TMEM225B: variants seen among roughly 807,000 people sequenced by gnomAD.
TMEM225B encodes transmembrane protein 225B, also known as transmembrane protein 225-like.
Under a neutral mutation model 16.9 loss-of-function variants are expected in TMEM225B, and 10 were observed. The ratio of observed to expected loss-of-function variants is 0.59; its 90% CI spans 0.36 to 1.00. The LOEUF is 1.00. TMEM225B is among the 50% of genes least tolerant of loss of function. TMEM225B has a pLI of 0.01. For missense variants in TMEM225B, 217 were observed against 267.0 expected (o/e 0.81, Z 1.30); for synonymous variants, 92 against 109.8 (o/e 0.84, Z 1.01).
intron 1 of TMEM225B, among the ~76,000 whole-genome samples, chr7:99,598,855 G>A (rs1481748566): frequency 1.3e-5 from 2 of 152,212 alleles, no homozygotes; most frequent in African/African-American, 4.8e-5. Flanking sequence ...CGCTGAAGGG[G>A]GCCTAGGGTC....
chr7:99,598,807 A>C (rs972648860), intron 1 of TMEM225B, among the ~76,000 whole-genome samples: 5 of 152,126 alleles, frequency 3.3e-5, no homozygotes, highest in African/African-American at 1.2e-4. Flanking sequence ...TTTCCTGTTA[A>C]GTGCCAGGGC....
intron 3 of TMEM225B, 65 bp downstream of exon 3, chr7:99,604,661 G>T (rs537143825): frequency 1.5e-6 from 2 of 1,317,434 alleles, no homozygotes; most frequent in South Asian, 1.3e-5. Context: ...ACAGAGGTGG[G>T]GGGTGAAAGA....
At chr7:99,605,470 G>T (rs181051184) in intron 3 of TMEM225B, 1 of 143,492 alleles carries the variant, frequency 7.0e-6, no homozygotes, top group Non-Finnish European at 1.5e-5. Context: ...ACAGGATCTC[G>T]CTTTGTCACC....
intron 5 of TMEM225B, among the ~76,000 whole-genome samples, chr7:99,608,856 T>TAC (rs1237595956): frequency 7.0e-6 from 1 of 142,792 alleles, no homozygotes; most frequent in South Asian, 2.1e-4. Context: ...TATATATATA[T>TAC]ATACACACAC....
intron 5 of TMEM225B, among the ~76,000 whole-genome samples, chr7:99,608,858 T>TATATATATATATATACACGTGC (rs536627768): frequency 6.9e-6 from 1 of 144,388 alleles, no homozygotes; most frequent in African/African-American, 2.8e-5. Context: ...TATATATATA[T>TATATATATATATATACACGTGC]ACACACACAC....
At chr7:99,604,710 A>C in intron 3 of TMEM225B, 114 bp downstream of exon 3, 2 of 837,722 alleles carry the variant, frequency 2.4e-6, no homozygotes, top group Non-Finnish European at 3.8e-6. Flanking sequence ...TAATTAGCTC[A>C]GGGCTGGATG....
chr7:99,608,847 A>ATATATATATATATATATATATATC (rs1806074637), intron 5 of TMEM225B, among the ~76,000 whole-genome samples: 1 of 145,080 alleles, frequency 6.9e-6, no homozygotes, highest in Admixed American at 6.7e-5. Flanking sequence ...ACGTATATAT[A>ATATATATATATATATATATATATC]TATATATATA....
At chr7:99,599,254 C>T (rs1013045365) in intron 1 of TMEM225B, among the ~76,000 whole-genome samples, 1 of 151,226 alleles carries the variant, frequency 6.6e-6, no homozygotes, top group Non-Finnish European at 1.5e-5. Flanking sequence ...GGATTACAGG[C>T]GTGAGCCACC....
In TMEM225B at chr7:99,604,615, G is replaced by A. The variant is rs768841669; in HGVS notation, c.208+19G>A. ...TTATCCAGTAAGGAGGGATGGAGGC[G>A]GGGAGGAGAGAGAGGGAGATGGGGC... On this transcript the variant is annotated intron_variant, in intron 3 of 5. Coordinates refer to ENST00000431679, the MANE Select transcript of TMEM225B (RefSeq NM_001195541.3). 7.2e-6 allele frequency: 11 copies of A among 1,526,366 alleles called. No individual in the cohort carries two copies. The highest frequency in any genetic ancestry group is 5.9e-5 in the Admixed American group (3 of 50,984). The allele number at this position is 1,526,366 out of a possible 1,614,324, so 94.6% of individuals were successfully genotyped here. A position where few individuals can be genotyped will look rare whatever the true frequency, so the allele number is the denominator to read the frequency against.
chr7:99,606,935 T>C (rs2151213605), intron 4 of TMEM225B, 41 bp downstream of exon 4: 1 of 1,532,600 alleles, frequency 6.5e-7, no homozygotes, highest in Non-Finnish European at 8.7e-7. Context: ...CGCTAGGGCC[T>C]GGGGAGGAGT....
rs536938830 is a variant in TMEM225B, at chr7:99,602,561, AT to A, written c.-3-1824del. Among the ~76,000 whole-genome samples the A allele has an allele frequency of 9.2e-5, 14 of 152,280 alleles. No homozygotes were observed. In the East Asian group the frequency reaches 2.7e-3, roughly 29 times the overall value. ...TTCCTTATCCTTAGGCAGGTGTTAT[AT>A]CCTTCCTTTTCCAGATGGGGAAAGC... is the stretch of plus-strand genomic sequence containing the variant. On this transcript the variant is annotated intron_variant, in intron 2 of 5. Transcript: ENST00000431679.
intron 4 of TMEM225B, 134 bp downstream of exon 4, chr7:99,607,028 C>T: frequency 2.0e-6 from 2 of 997,984 alleles, no homozygotes; most frequent in Non-Finnish European, 2.9e-6. Flanking sequence ...CACTCTGTTA[C>T]CCAGGCTGGA....
At position 99,604,481 on chromosome 7, in the gene TMEM225B, C is replaced by A; in HGVS notation, c.93C>A (p.Val31=). 6.5e-7 allele frequency: 1 copy of A among 1,536,088 alleles called. No homozygotes were observed. The highest frequency in any genetic ancestry group is 2.4e-5 in the East Asian group (1 of 40,914). ...TAGGCTACCTGATTATACTGGTGGTCTCCATCTTTCCCTTCTGGGTGCGAC... is the reference window on the plus strand; with the variant it reads ...TAGGCTACCTGATTATACTGGTGGTATCCATCTTTCCCTTCTGGGTGCGAC... ...TSLGYLIILV[V]SIFPFWVRLT... is the part of the protein sequence containing the mutation. Residue 31 remains valine (V), a synonymous_variant, in exon 3 of 6, where the codon GTC becomes GTA. Transcript: ENST00000431679.
At chr7:99,609,585 A>C (rs1261519919) in intron 5 of TMEM225B, among the ~76,000 whole-genome samples, 1 of 151,718 alleles carries the variant, frequency 6.6e-6, no homozygotes, top group Non-Finnish European at 1.5e-5. Flanking sequence ...ACAGGCATGC[A>C]CCACCATGCC....
chr7:99,604,440 C>G lies in TMEM225B; in HGVS notation c.52C>G (p.Pro18Ala), dbSNP rs1321382219. ...GAAGGGATTCTCCTGGGCCATAGTCCCAGCCTTAACCTCCCTAGGCTACCT... is the reference window on the plus strand; with the variant it reads ...GAAGGGATTCTCCTGGGCCATAGTCGCAGCCTTAACCTCCCTAGGCTACCT... Reference protein sequence around the residue: ...DMKGFSWAIVPALTSLGYLII... With the variant: ...DMKGFSWAIVAALTSLGYLII... The change falls in exon 3 of 6, where the codon CCA (proline) becomes GCA (alanine). Residue 18 changes from proline to alanine, a missense_variant. Physicochemically the swap from Pro to Ala is conservative, Grantham distance 27. Transcript: ENST00000431679. 6.5e-7 allele frequency: 1 copy of G among 1,536,046 alleles called. No homozygotes were observed. Among genetic ancestry groups the G allele is most frequent in the Non-Finnish European group, 8.7e-7 (1 of 1,146,868 alleles).
At chr7:99,608,858 T>TATATATATATATATATATATACAC (rs536627768) in intron 5 of TMEM225B, among the ~76,000 whole-genome samples, 2 of 144,386 alleles carry the variant, frequency 1.4e-5, no homozygotes, top group African/African-American at 5.6e-5. Flanking sequence ...TATATATATA[T>TATATATATATATATATATATACAC]ACACACACAC....
rs570102394 is a variant in TMEM225B, at chr7:99,604,623, G to A, written c.208+27G>A. On this transcript the variant is annotated intron_variant, in intron 3 of 5. Coordinates refer to ENST00000431679, the MANE Select transcript of TMEM225B (RefSeq NM_001195541.3). ...TAAGGAGGGATGGAGGCGGGGAGGA[G>A]AGAGAGGGAGATGGGGCCAGTGTTG... The A allele has an allele frequency of 1.6e-5, 24 of 1,511,994 alleles. No homozygotes were observed. In the African/African-American group the frequency reaches 1.7e-4, roughly 10 times the overall value. 93.7% of individuals were successfully genotyped at this position (1,511,994 alleles called of 1,614,324 possible).
At chr7:99,607,978 G>C (rs1289663226) in intron 5 of TMEM225B, among the ~76,000 whole-genome samples, 168 bp downstream of exon 5, 1 of 152,260 alleles carries the variant, frequency 6.6e-6, no homozygotes, top group African/African-American at 2.4e-5. Flanking sequence ...TTATTGGCCA[G>C]ATGTGGTGGT....
chr7:99,599,650 G>A (rs917210458), intron 1 of TMEM225B, among the ~76,000 whole-genome samples: 4 of 152,200 alleles, frequency 2.6e-5, no homozygotes, highest in Non-Finnish European at 4.4e-5. Context: ...GTTGGCAGTC[G>A]TATATTCCCC....
Sources: allele counts gnomAD v4.1 joint callset (sites outside exome capture counted in the v4.1 genomes callset), GRCh38; gene constraint gnomAD v4.1.1; transcripts MANE v1.5; gene names NCBI Gene and HGNC (gene_info 2026-07-23, HGNC 2026-07-21).